SPTLC2: variants seen among roughly 807,000 people sequenced by gnomAD.
SPTLC2 encodes serine palmitoyltransferase long chain base subunit 2.
Under a neutral mutation model 62.0 loss-of-function variants are expected in SPTLC2, and 21 were observed. The observed-to-expected ratio is 0.34, with a 90% CI of 0.24 to 0.49. The LOEUF is 0.49. SPTLC2 is among the 20% of genes least tolerant of loss of function. The pLI is 0.99. For missense variants in SPTLC2, 511 were observed against 713.0 expected, an observed-to-expected ratio of 0.72 and a Z score of 3.23; for synonymous variants, 261 against 261.8, an observed-to-expected ratio of 1.00 and a Z score of 0.03.
rs533417559 is a variant in SPTLC2 at position 77,532,998 on chromosome 14, T to C, written c.1304-11417A>G. Among the ~76,000 whole-genome samples the C allele has an allele frequency of 1.6e-4, 24 of 151,956 alleles. No homozygotes were observed. In the South Asian group the frequency reaches 5.0e-3, roughly 32 times the overall value. Reference sequence around the variant, plus strand: ...GTTAACAGAAAAGGTCAGTTTCAGATTAAAAAATTTAAATGTCAGCTGGGC... The same window carrying C: ...GTTAACAGAAAAGGTCAGTTTCAGACTAAAAAATTTAAATGTCAGCTGGGC... On this transcript the variant is annotated intron_variant, in intron 9 of 11. Transcript: ENST00000216484.
chr14:77,590,180 T>C (rs2079808270), intron 2 of SPTLC2, among the ~76,000 whole-genome samples: 1 of 152,060 alleles, frequency 6.6e-6, no homozygotes, highest in South Asian at 2.1e-4. Context: ...TCTTGTTACA[T>C]TGCTCAGGTT....
intron 2 of SPTLC2, among the ~76,000 whole-genome samples, chr14:77,588,602 G>A (rs1452851058): frequency 6.6e-6 from 1 of 151,988 alleles, no homozygotes; most frequent in African/African-American, 2.4e-5. Flanking sequence ...AAGCTGAGGT[G>A]GGAGAATCAC....
chr14:77,510,088 G>A lies in SPTLC2; in HGVS notation c.*2196C>T, dbSNP rs1027056466. 1 of 396,286 alleles carries A rather than the reference G, an allele frequency of 2.5e-6. No individual in the cohort carries two copies. The highest frequency in any genetic ancestry group is 2.1e-5 in the African/African-American group (1 of 48,568). The allele number at this position is 396,286 out of a possible 1,614,324, so 24.5% of individuals were successfully genotyped here. On this transcript the variant is annotated 3_prime_UTR_variant, in exon 12 of 12. Coordinates refer to ENST00000216484, the MANE Select transcript of SPTLC2 (RefSeq NM_004863.4). ...GATTCTATGGTAGGAAACTAGATGT[G>A]CAGAAAAGGTTGACAATGTATTTGA...
At chr14:77,560,683 A>G (rs2079610025) in intron 6 of SPTLC2, among the ~76,000 whole-genome samples, 1 of 152,058 alleles carries the variant, frequency 6.6e-6, no homozygotes, top group Non-Finnish European at 1.5e-5. Flanking sequence ...TAGCCATAAG[A>G]AAGAATGAGA....
rs138816213 is a variant in SPTLC2 at position 77,575,482 on chromosome 14, T to C, written c.631+1285A>G. On this transcript the variant is annotated intron_variant, in intron 4 of 11. Coordinates refer to ENST00000216484, the MANE Select transcript of SPTLC2 (RefSeq NM_004863.4). ...CAATAGAAGAGGCATAAATGATACT[T>C]TGGGACCTGTACAGCTAGGGCATAA... Among the ~76,000 whole-genome samples, 4 of 152,252 alleles carry C rather than the reference T, an allele frequency of 2.6e-5. No homozygotes were observed. The South Asian group carries it at 8.3e-4, about 32-fold the overall frequency.
chr14:77,526,792 T>C lies in SPTLC2; in HGVS notation c.1304-5211A>G, dbSNP rs572692391. Among the ~76,000 whole-genome samples the C allele has an allele frequency of 6.1e-5, 8 of 131,816 alleles. No homozygotes were observed. The South Asian group carries it at 1.9e-3, about 32-fold the overall frequency. The allele number at this position is 131,816 out of a possible 152,430, so 86.5% of individuals were successfully genotyped here. A position where few individuals can be genotyped will look rare whatever the true frequency, so the allele number is the denominator to read the frequency against. ...ATGCTGTAACAGCATCATTAGATTA[T>C]TTAGTTCTTTTTTTTTTTTTGAGAC... On this transcript the variant is annotated intron_variant, in intron 9 of 11. Transcript: ENST00000216484.
chr14:77,593,060 G>A (rs149836125), intron 2 of SPTLC2, among the ~76,000 whole-genome samples: 2,660 of 150,924 alleles, frequency 0.018, 88 homozygotes, highest in African/African-American at 0.062. Flanking sequence ...CCGAGATCAC[G>A]CCACTGTACT....
intron 9 of SPTLC2, among the ~76,000 whole-genome samples, chr14:77,529,620 C>CTTTTTTTTTTTTTTTTTTTTTTTTTTTTT (rs71452856): frequency 5.3e-5 from 4 of 76,054 alleles, no homozygotes; most frequent in South Asian, 5.8e-4. Flanking sequence ...TTCTTTCTTT[C>CTTTTTTTTTTTTTTTTTTTTTTTTTTTTT]TTTTTTTTTT....
chr14:77,572,989 T>C (rs1335000401), intron 4 of SPTLC2, among the ~76,000 whole-genome samples: 1 of 152,258 alleles, frequency 6.6e-6, no homozygotes, highest in Non-Finnish European at 1.5e-5. Flanking sequence ...TTTCACTTTC[T>C]TATAATTTGT....
intron 1 of SPTLC2, among the ~76,000 whole-genome samples, chr14:77,608,850 G>C (rs28472502): frequency 3.3e-5 from 5 of 150,834 alleles, no homozygotes; most frequent in Non-Finnish European, 7.4e-5. Flanking sequence ...ACTTGGAGGC[G>C]GAGGTTGCAG....
At position 77,616,586 on chromosome 14, in the gene SPTLC2, G is replaced by A; in HGVS notation, c.-7C>T. The A allele has an allele frequency of 2.6e-6, 4 of 1,538,242 alleles. No individual in the cohort carries two copies. The African/African-American group carries it at 5.5e-5, about 21-fold the overall frequency. On this transcript the variant is annotated 5_prime_UTR_variant, in exon 1 of 12. Transcript: ENST00000216484. The stretch of plus-strand genomic sequence containing the variant: ...CTCCGGGCTCCGGCCGCATCTTCCT[G>A]GCAGCACCAGGCGCAAGGCAGGCTC...
intron 5 of SPTLC2, among the ~76,000 whole-genome samples, chr14:77,563,681 G>A (rs1299690942): frequency 1.3e-5 from 2 of 152,034 alleles, no homozygotes; most frequent in African/African-American, 4.8e-5. Context: ...CCGCCTCAGC[G>A]TCCCGAAGTG....
chr14:77,594,509 C>T lies in SPTLC2; in HGVS notation c.327+2677G>A, dbSNP rs564639462. On this transcript the variant is annotated intron_variant, in intron 2 of 11. Coordinates refer to ENST00000216484, the MANE Select transcript of SPTLC2 (RefSeq NM_004863.4). The stretch of plus-strand genomic sequence containing the variant: ...GTCATGGTGGCTCACTCCTATAATC[C>T]CAACACTTTGGGAGGCCAAGGCAGG... Among the ~76,000 whole-genome samples, 3 of 152,284 alleles carry T rather than the reference C, an allele frequency of 2.0e-5. No individual in the cohort carries two copies. The South Asian group carries it at 6.2e-4, about 32-fold the overall frequency.
chr14:77,600,650 C>T (rs948636315), intron 1 of SPTLC2, among the ~76,000 whole-genome samples: 3 of 152,190 alleles, frequency 2.0e-5, no homozygotes, highest in Admixed American at 6.5e-5. Context: ...AGTCTGTTCA[C>T]AGTCTGTTCA....
At chr14:77,599,911 T>C (rs1266047246) in intron 1 of SPTLC2, among the ~76,000 whole-genome samples, 1 of 152,178 alleles carries the variant, frequency 6.6e-6, no homozygotes, top group East Asian at 1.9e-4. Flanking sequence ...TCTGAAAATA[T>C]TTTGCCTTAA....
At chr14:77,548,296 C>T (rs1038334031) in intron 9 of SPTLC2, among the ~76,000 whole-genome samples, 1 of 152,162 alleles carries the variant, frequency 6.6e-6, no homozygotes, top group African/African-American at 2.4e-5. Context: ...TTCATTCAGT[C>T]ATTCAATAAA....
chr14:77,569,700 T>C (rs2140033134), intron 5 of SPTLC2, among the ~76,000 whole-genome samples: 1 of 149,440 alleles, frequency 6.7e-6, no homozygotes, highest in East Asian at 1.9e-4. Flanking sequence ...TCTGCTGAAA[T>C]ATAATTTACA....
intron 11 of SPTLC2, among the ~76,000 whole-genome samples, chr14:77,515,061 C>T (rs2079352076): frequency 6.6e-6 from 1 of 152,186 alleles, no homozygotes; most frequent in Admixed American, 6.5e-5. Context: ...TTGTTGAAAA[C>T]AAATTGGCCA....
chr14:77,530,161 T>C (rs1199468602), intron 9 of SPTLC2, among the ~76,000 whole-genome samples: 2 of 152,180 alleles, frequency 1.3e-5, no homozygotes, highest in African/African-American at 4.8e-5. Flanking sequence ...GGAGTGACTA[T>C]TGTTATTACA....
Sources: allele counts gnomAD v4.1 joint callset (sites outside exome capture counted in the v4.1 genomes callset), GRCh38; gene constraint gnomAD v4.1.1; transcripts MANE v1.5; gene names NCBI Gene and HGNC (gene_info 2026-07-23, HGNC 2026-07-21).